The following NLGN1 variants were observed in gnomAD, a reference collection of about 807,000 sequenced individuals.
NLGN1 encodes the protein neuroligin 1, also known as neuroligin-1.
In NLGN1, 12 loss-of-function variants were observed where a neutral mutation model predicts 65.5. The observed-to-expected ratio is 0.18, with a 90% CI of 0.12 to 0.30. The LOEUF is 0.30. Ranked by LOEUF, NLGN1 falls within the 10% of genes least tolerant of loss-of-function variation. The pLI is 1.00. For synonymous variants in NLGN1, 350 were observed against 359.5 expected (o/e 0.97, Z 0.30); for missense variants, 750 against 1,007.1 (o/e 0.74, Z 3.46).
chr3:174,035,255 GCAA>G (rs1252305286), intron 4 of NLGN1, among the ~76,000 whole-genome samples: 1 of 151,996 alleles, frequency 6.6e-6, no homozygotes, highest in African/African-American at 2.4e-5. Context: ...AAATTACATT[GCAA>G]CAGCAAACAA....
At chr3:174,023,420 G>A (rs963763000) in intron 4 of NLGN1, among the ~76,000 whole-genome samples, 14 of 151,942 alleles carry the variant, frequency 9.2e-5, no homozygotes, top group Non-Finnish European at 1.8e-4. Context: ...CTTTTTTCAG[G>A]CCTCCAAAAA....
intron 4 of NLGN1, among the ~76,000 whole-genome samples, chr3:173,875,953 G>T (rs1416066394): frequency 6.6e-6 from 1 of 152,078 alleles, no homozygotes; most frequent in East Asian, 1.9e-4. Context: ...TCAGGCTGGG[G>T]TAGATAAGAG....
rs946996993 is a variant in NLGN1, at chr3:173,496,800, A to G, written c.-321+61722A>G. 3.3e-5 allele frequency among the ~76,000 whole-genome samples: 5 copies of G among 151,890 alleles called. 1 individual carries two copies. The highest frequency in any genetic ancestry group is 1.2e-4 in the African/African-American group (5 of 41,178). On this transcript the variant is annotated intron_variant, in intron 2 of 6. Transcript: ENST00000457714. ...TTAGAATAAGATTTAAAGAAATAAG[A>G]CTTCGTATTGTAAATAGAGATCTTA...
intron 4 of NLGN1, among the ~76,000 whole-genome samples, chr3:173,817,091 G>A (rs1388658253): frequency 6.6e-6 from 1 of 152,208 alleles, no homozygotes; most frequent in Non-Finnish European, 1.5e-5. Context: ...GTCAATAGGT[G>A]TTGATCAGAT....
intron 3 of NLGN1, among the ~76,000 whole-genome samples, chr3:173,704,797 G>A (rs1191679936): frequency 6.6e-6 from 1 of 152,048 alleles, no homozygotes; most frequent in Non-Finnish European, 1.5e-5. Flanking sequence ...AGGGGTTGGC[G>A]TTCACTTTTC....
rs151269285 is a variant in NLGN1 at position 173,957,167 on chromosome 3, G to A, written c.646+149335G>A. ...AATTTTAAATATCTTAGTGGTAAAAGTATATGTCTTTCTGAGAAAATCAAA... is the reference window on the plus strand; with the variant it reads ...AATTTTAAATATCTTAGTGGTAAAAATATATGTCTTTCTGAGAAAATCAAA... On this transcript the variant is annotated intron_variant, in intron 4 of 6. Coordinates refer to ENST00000457714, the Ensembl canonical transcript of NLGN1. Among the ~76,000 whole-genome samples, 488 of 152,180 alleles carry A rather than the reference G, an allele frequency of 3.2e-3. 1 individual carries two copies. Among genetic ancestry groups the A allele is most frequent in the African/African-American group, 0.011 (459 of 41,536 alleles).
chr3:174,036,365 G>T lies in NLGN1; in HGVS notation c.646+228533G>T, dbSNP rs184725333. On this transcript the variant is annotated intron_variant, in intron 4 of 6. Coordinates refer to ENST00000457714, the Ensembl canonical transcript of NLGN1. Reference sequence around the variant, plus strand: ...ATTACAGGGAAAAGTAAAGCTCTTGGGTACCTCCTATTATATGAACCTTAT... The same window carrying T: ...ATTACAGGGAAAAGTAAAGCTCTTGTGTACCTCCTATTATATGAACCTTAT... Among the ~76,000 whole-genome samples the T allele has an allele frequency of 5.6e-4, 85 of 152,036 alleles. 1 individual carries two copies. Among genetic ancestry groups the T allele is most frequent in the Admixed American group, 8.5e-4 (13 of 15,254 alleles).
rs184209358 is a variant in NLGN1, at chr3:173,770,255, G to A, written c.494-37425G>A. Reference sequence around the variant, plus strand: ...CTGCTCCTCAGGCCTTCACAGTCTAGTTAGAAAAAATGACCTATAATAGGA... The same window carrying A: ...CTGCTCCTCAGGCCTTCACAGTCTAATTAGAAAAAATGACCTATAATAGGA... On this transcript the variant is annotated intron_variant, in intron 3 of 6. Transcript: ENST00000457714. 5.3e-5 allele frequency among the ~76,000 whole-genome samples: 8 copies of A among 152,200 alleles called. No homozygotes were observed. In the East Asian group the frequency reaches 1.5e-3, roughly 29 times the overall value.
intron 4 of NLGN1, among the ~76,000 whole-genome samples, chr3:174,261,072 G>A (rs1414218555): frequency 6.6e-6 from 1 of 152,174 alleles, no homozygotes; most frequent in African/African-American, 2.4e-5. Flanking sequence ...GTACCATGCT[G>A]TTTTCGTTAC....
chr3:173,400,757 G>A (rs561217949), intron 1 of NLGN1, among the ~76,000 whole-genome samples: 93 of 152,084 alleles, frequency 6.1e-4, no homozygotes, highest in Non-Finnish European at 1.1e-3. Flanking sequence ...CAAAAGACAT[G>A]CCTGATTTAT....
chr3:173,809,000 T>G (rs1717296326), intron 4 of NLGN1, among the ~76,000 whole-genome samples: 1 of 152,286 alleles, frequency 6.6e-6, no homozygotes, highest in South Asian at 2.1e-4. Context: ...GTTTATAGTC[T>G]GGGGGAAGGA....
At chr3:173,537,854 T>C (rs367611842) in intron 2 of NLGN1, among the ~76,000 whole-genome samples, 34 of 152,130 alleles carry the variant, frequency 2.2e-4, no homozygotes, top group Non-Finnish European at 4.3e-4. Context: ...TTACCTCCAT[T>C]GTGGAGTTGC....
chr3:173,754,222 G>A (rs1308060243), intron 3 of NLGN1, among the ~76,000 whole-genome samples: 1 of 151,126 alleles, frequency 6.6e-6, no homozygotes, highest in Non-Finnish European at 1.5e-5. Flanking sequence ...AACTTTTGTA[G>A]TTTTTTGTAG....
Position 173,853,145 on chromosome 3 carries a change from C to T in NLGN1, c.646+45313C>T, listed in dbSNP as rs116376940. Reference sequence around the variant, plus strand: ...CTGCTTCATTAGTCACCTCTTTAGACTTCTCAGGTTTTAGGTGTATCTTGT... The same window carrying T: ...CTGCTTCATTAGTCACCTCTTTAGATTTCTCAGGTTTTAGGTGTATCTTGT... On this transcript the variant is annotated intron_variant, in intron 4 of 6. Coordinates refer to ENST00000457714, the Ensembl canonical transcript of NLGN1. Among the ~76,000 whole-genome samples the T allele has an allele frequency of 2.1e-3, 319 of 152,286 alleles. 2 individuals are homozygous for T. Among genetic ancestry groups the T allele is most frequent in the African/African-American group, 7.4e-3 (307 of 41,572 alleles).
chr3:173,440,083 T>C (rs920796733), intron 2 of NLGN1, among the ~76,000 whole-genome samples: 48 of 152,180 alleles, frequency 3.2e-4, no homozygotes, highest in Admixed American at 2.9e-3. Flanking sequence ...TTTGTTATCA[T>C]TTCAACAATG....
chr3:173,952,741 T>A (rs1378826260), intron 4 of NLGN1, among the ~76,000 whole-genome samples: 1 of 152,056 alleles, frequency 6.6e-6, no homozygotes, highest in Admixed American at 6.6e-5. Context: ...TATTTTTTTA[T>A]CTTACTACTA....
At chr3:173,726,631 A>G (rs1771834134) in intron 3 of NLGN1, among the ~76,000 whole-genome samples, 2 of 152,122 alleles carry the variant, frequency 1.3e-5, no homozygotes, top group Non-Finnish European at 2.9e-5. Flanking sequence ...AACCTTGTCA[A>G]CAGCAAGCTT....
intron 4 of NLGN1, among the ~76,000 whole-genome samples, chr3:173,855,880 C>CA (rs1215971841): frequency 1.3e-5 from 2 of 152,202 alleles, no homozygotes; most frequent in East Asian, 3.9e-4. Context: ...GGGGATCATA[C>CA]ACTACCACAT....
At chr3:173,407,724 G>T (rs1172597318) in intron 1 of NLGN1, among the ~76,000 whole-genome samples, 2 of 152,144 alleles carry the variant, frequency 1.3e-5, no homozygotes, top group Non-Finnish European at 2.9e-5. Context: ...GGCCATTCTA[G>T]ATTCTTTCAA....
Sources: gnomAD v4.1 joint callset for allele counts (sites outside exome capture counted in the v4.1 genomes callset) on GRCh38, gnomAD v4.1.1 for gene constraint, MANE v1.5 for transcripts, NCBI Gene and HGNC (gene_info 2026-07-23, HGNC 2026-07-21) for gene names.